The following CEMIP variants were observed in gnomAD, a reference collection of about 807,000 sequenced individuals.
CEMIP encodes cell migration inducing hyaluronidase 1.
Under a neutral mutation model 156.9 loss-of-function variants are expected in CEMIP, and 105 were observed. That is an observed-to-expected ratio of 0.67 (90% CI 0.57 to 0.79). The LOEUF (loss-of-function observed/expected upper bound fraction) is 0.79. Among genes scored for constraint, CEMIP ranks in the 30% least tolerant of loss-of-function variants. The pLI is 0.00. For missense variants in CEMIP, 1,457 were observed against 1,769.4 expected (o/e 0.82, Z 3.17); for synonymous variants, 676 against 668.4 (o/e 1.01, Z -0.17).
At chr15:80,931,753 C>T in intron 21 of CEMIP, 106 bp from the exon 22 acceptor site, 1 of 1,108,790 alleles carries the variant, frequency 9.0e-7, no homozygotes, top group Non-Finnish European at 1.4e-6. Context: ...CTGCTACCAT[C>T]CACCTCAGAA....
intron 1 of CEMIP, among the ~76,000 whole-genome samples, chr15:80,810,419 G>A (rs1047514143): frequency 1.3e-5 from 2 of 152,174 alleles, no homozygotes; most frequent in Non-Finnish European, 2.9e-5. Flanking sequence ...CCAGGCTGGA[G>A]TGCAGTGGCG....
intron 1 of CEMIP, among the ~76,000 whole-genome samples, chr15:80,861,099 T>C (rs988329285): frequency 6.6e-6 from 1 of 152,160 alleles, no homozygotes; most frequent in Non-Finnish European, 1.5e-5. Context: ...CTGTGAGCTC[T>C]AACCTGATCC....
At chr15:80,840,886 G>A (rs531506107) in intron 1 of CEMIP, among the ~76,000 whole-genome samples, 27 of 152,260 alleles carry the variant, frequency 1.8e-4, no homozygotes, top group African/African-American at 4.3e-4. Flanking sequence ...GGAGGCTGTC[G>A]GGCTTCCCAC....
intron 12 of CEMIP, among the ~76,000 whole-genome samples, chr15:80,897,889 T>A (rs1899301028): frequency 6.6e-6 from 1 of 152,154 alleles, no homozygotes. Context: ...TACTTAACTA[T>A]CATTATCCAC....
At chr15:80,944,936 G>A (rs979340703) in intron 28 of CEMIP, among the ~76,000 whole-genome samples, 1 of 152,112 alleles carries the variant, frequency 6.6e-6, no homozygotes, top group African/African-American at 2.4e-5. Context: ...CTGGGCTGGC[G>A]CTGGGCACCC....
At chr15:80,806,787 C>G (rs1896524794) in intron 1 of CEMIP, among the ~76,000 whole-genome samples, 1 of 152,194 alleles carries the variant, frequency 6.6e-6, no homozygotes, top group Non-Finnish European at 1.5e-5. Flanking sequence ...TGCTCACTTT[C>G]CAGTTTTCTT....
At chr15:80,893,539 G>C (rs191492875) in intron 10 of CEMIP, among the ~76,000 whole-genome samples, 32 of 152,298 alleles carry the variant, frequency 2.1e-4, no homozygotes, top group African/African-American at 7.2e-4. Context: ...TGAAGAACAT[G>C]CTACCCTCAG....
At chr15:80,850,767 C>G (rs1897698716) in intron 1 of CEMIP, among the ~76,000 whole-genome samples, 1 of 152,194 alleles carries the variant, frequency 6.6e-6, no homozygotes, top group African/African-American at 2.4e-5. Flanking sequence ...AGCTCACCCC[C>G]TTACTCATCA....
At chr15:80,948,666 G>A in intron 29 of CEMIP, 131 bp from the exon 30 acceptor site, 1 of 1,199,926 alleles carries the variant, frequency 8.3e-7, no homozygotes, top group Non-Finnish European at 1.2e-6. Context: ...TCTTCCCAAG[G>A]GGCCACAGTG....
chr15:80,815,845 A>G (rs527832667), intron 1 of CEMIP, among the ~76,000 whole-genome samples: 21 of 152,298 alleles, frequency 1.4e-4, no homozygotes, highest in African/African-American at 4.8e-4. Flanking sequence ...TGTCAGAATG[A>G]CTTCTTTATT....
rs765043477 is a variant in CEMIP, at chr15:80,920,287, G to A, written c.1991G>A (p.Arg664Lys). 2 of 1,614,050 alleles carry A rather than the reference G, an allele frequency of 1.2e-6. No individual in the cohort carries two copies. Among genetic ancestry groups the A allele is most frequent in the Admixed American group, 3.3e-5 (2 of 60,018 alleles). Residue 664 changes from arginine (R) to lysine (K), a missense_variant, in exon 15 of 30, where the codon AGG becomes AAG. Arg to Lys is a conservative substitution (Grantham distance 26). Coordinates refer to ENST00000394685, the MANE Select transcript of CEMIP (RefSeq NM_001293298.2). ...TACCCGGGGTACATCCCCAAGCCCA[G>A]GCAAGACTGCAAGTAAGTGCCTGGA... ...DSYPGYIPKP[R>K]QDCNAVSTFW...
In CEMIP at chr15:80,920,153, G is replaced by A. The variant is rs752729329; in HGVS notation, c.1857G>A (p.Pro619=). 1.7e-5 allele frequency: 28 copies of A among 1,614,066 alleles called. No homozygotes were observed. Among genetic ancestry groups the A allele is most frequent in the South Asian group, 7.7e-5 (7 of 91,084 alleles). The part of the protein sequence containing the change: ...LGHCFFTEDG[P]EERNTFDHCL... ...ACTGCTTCTTCACGGAAGATGGGCC[G>A]GAGGAACGCAACACTTTTGACCACT... Residue 619 remains proline, a synonymous_variant, in exon 15 of 30, where the codon CCG becomes CCA. Transcript: ENST00000394685.
chr15:80,882,174 G>T (rs1275091775), intron 6 of CEMIP, among the ~76,000 whole-genome samples: 1 of 152,322 alleles, frequency 6.6e-6, no homozygotes, highest in Non-Finnish European at 1.5e-5. Flanking sequence ...TGAAGTGCTT[G>T]CTGGTGCTCA....
intron 25 of CEMIP, among the ~76,000 whole-genome samples, chr15:80,939,236 G>A (rs764049991): frequency 3.9e-5 from 6 of 152,124 alleles, no homozygotes; most frequent in East Asian, 1.9e-4. Flanking sequence ...GGCCCAGCCC[G>A]AAAACCTCAG....
chr15:80,923,410 G>A lies in CEMIP; in HGVS notation c.2203-1211G>A, dbSNP rs542059136. On this transcript the variant is annotated intron_variant, in intron 17 of 29. Coordinates refer to ENST00000394685, the MANE Select transcript of CEMIP (RefSeq NM_001293298.2). ...GGAGAGAATGTGTTGGCTGCTTGTC[G>A]AGAAACCCCTCACACGCACCCCTTG... 7.5e-4 allele frequency among the ~76,000 whole-genome samples: 114 copies of A among 152,248 alleles called. 1 individual carries two copies. Among genetic ancestry groups the A allele is most frequent in the African/African-American group, 2.5e-3 (105 of 41,530 alleles).
intron 14 of CEMIP, among the ~76,000 whole-genome samples, chr15:80,914,948 G>T (rs906995548): frequency 6.6e-6 from 1 of 152,118 alleles, no homozygotes. Context: ...GCTGATTGGT[G>T]GGGTCGGATA....
rs1434448181 is a variant in CEMIP at position 80,900,638 on chromosome 15, G to GTC, written c.1411+4579_1411+4580insCT. 3.4e-3 allele frequency among the ~76,000 whole-genome samples: 343 copies of GTC among 101,900 alleles called. 3 individuals carry two copies. Among genetic ancestry groups the GTC allele is most frequent in the Admixed American group, 0.017 (148 of 8,720 alleles). 66.9% of individuals were successfully genotyped at this position (101,900 alleles called of 152,430 possible). On this transcript the variant is annotated intron_variant, in intron 12 of 29. Transcript: ENST00000394685. ...TGTGTGTGTGTGTGTGTGTGTGTGT[G>GTC]TGTGTGTGTGTCTGTGTGTGTGTCT...
rs1195240574 is a variant in CEMIP, at chr15:80,879,714, AG to A, written c.242del. 6.2e-7 allele frequency: 1 copy of A among 1,614,180 alleles called. No individual in the cohort carries two copies. The highest frequency in any genetic ancestry group is 1.7e-5 in the Admixed American group (1 of 60,034). ...AACCTCCCCCCAATGCTACCTCTTC[AG>A]GCAAGCTGGTCATTAAAGACCACGA... On this transcript the variant is annotated splice_acceptor_variant, in intron 4 of 29. Coordinates refer to ENST00000394685, the MANE Select transcript of CEMIP (RefSeq NM_001293298.2). LOFTEE classifies it high-confidence loss of function.
chr15:80,825,640 C>A (rs1427699562), intron 1 of CEMIP, among the ~76,000 whole-genome samples: 1 of 152,202 alleles, frequency 6.6e-6, no homozygotes, highest in East Asian at 1.9e-4. Context: ...TTCTCATTAG[C>A]ATTGGGAGGA....
Sources: allele counts gnomAD v4.1 joint callset (sites outside exome capture counted in the v4.1 genomes callset), GRCh38; gene constraint gnomAD v4.1.1; transcripts MANE v1.5; gene names NCBI Gene and HGNC (gene_info 2026-07-23, HGNC 2026-07-21).